The following DGKG variants were observed in gnomAD, a reference collection of about 807,000 sequenced individuals.
The protein encoded by DGKG is diacylglycerol kinase gamma.
In DGKG, 78 loss-of-function variants were observed where a neutral mutation model predicts 105.3. The ratio of observed to expected loss-of-function variants is 0.74; its 90% confidence interval spans 0.62 to 0.89. The LOEUF is 0.89. Among genes scored for constraint, DGKG ranks in the 40% least tolerant of loss-of-function variants. DGKG has a pLI of 0.00. For missense variants in DGKG, 958 were observed against 1,020.1 expected, an observed-to-expected ratio of 0.94 and a Z score of 0.83; for synonymous variants, 346 against 367.1, an observed-to-expected ratio of 0.94 and a Z score of 0.66.
chr3:186,253,011 T>G (rs1271512080), intron 18 of DGKG, 82 bp downstream of exon 18: 1 of 1,219,064 alleles, frequency 8.2e-7, no homozygotes, highest in Non-Finnish European at 1.2e-6. Flanking sequence ...CATAAAAGGG[T>G]AAGTTCAGCC....
At chr3:186,265,357 CAAAG>C (rs1721996648) in intron 13 of DGKG, 51 bp from the exon 14 acceptor site, 1 of 1,537,054 alleles carries the variant, frequency 6.5e-7, no homozygotes, top group Non-Finnish European at 9.0e-7. Flanking sequence ...AAGCCTAACA[CAAAG>C]AAAGAGATCA....
At position 186,148,915 on chromosome 3, in the gene DGKG, G is replaced by T. The variant is rs963705464; in HGVS notation, c.*1175C>A. 1.2e-6 allele frequency: 1 copy of T among 834,330 alleles called. No homozygotes were observed. The highest frequency in any genetic ancestry group is 1.3e-4 in the East Asian group (1 of 7,680). 51.7% of individuals were successfully genotyped at this position (834,330 alleles called of 1,614,324 possible). On this transcript the variant is annotated 3_prime_UTR_variant, in exon 25 of 25. Transcript: ENST00000265022. ...CCACTTTCTGTCTCATACTACCTAT[G>T]TTTTTTTTTTCCAATGAGGAAAAGT...
intron 19 of DGKG, among the ~76,000 whole-genome samples, chr3:186,249,829 C>G (rs534805878): frequency 7.0e-6 from 1 of 143,626 alleles, no homozygotes; most frequent in East Asian, 1.9e-4. Flanking sequence ...TGAGACTCGT[C>G]TCAAAAACAA....
chr3:186,149,588 A>G lies in DGKG; in HGVS notation c.*502T>C. 2 of 985,862 alleles carry G rather than the reference A, an allele frequency of 2.0e-6. No homozygotes were observed. The highest frequency in any genetic ancestry group is 2.4e-6 in the Non-Finnish European group (2 of 830,068). 61.1% of individuals were successfully genotyped at this position (985,862 alleles called of 1,614,324 possible). ...CGCCTGCTGAGCCCTGCCAAGGATTATGCTCTGAGAGCCGGAGGCCGTTTT... is the reference window on the plus strand; with the variant it reads ...CGCCTGCTGAGCCCTGCCAAGGATTGTGCTCTGAGAGCCGGAGGCCGTTTT... On this transcript the variant is annotated 3_prime_UTR_variant, in exon 25 of 25. Coordinates refer to ENST00000265022, the MANE Select transcript of DGKG (RefSeq NM_001346.3).
intron 20 of DGKG, among the ~76,000 whole-genome samples, chr3:186,238,720 G>A (rs757967570): frequency 6.6e-6 from 1 of 152,164 alleles, no homozygotes; most frequent in Admixed American, 6.5e-5. Context: ...CATCTCTGCC[G>A]TTAAAGGCCT....
chr3:186,336,016 C>T (rs957250949), intron 1 of DGKG, among the ~76,000 whole-genome samples: 1 of 152,204 alleles, frequency 6.6e-6, no homozygotes, highest in Non-Finnish European at 1.5e-5. Context: ...AGACAGCTCT[C>T]ACCTGTCAAT....
At chr3:186,267,549 AAAAG>A (rs1306270747) in intron 13 of DGKG, 132 bp downstream of exon 13, 8 of 702,638 alleles carry the variant, frequency 1.1e-5, no homozygotes, top group Non-Finnish European at 2.0e-5. Flanking sequence ...TAACAGTAAA[AAAAG>A]AAAGAAAAGA....
At chr3:186,276,236 TC>T (rs780438022) in intron 9 of DGKG, among the ~76,000 whole-genome samples, 3 of 152,170 alleles carry the variant, frequency 2.0e-5, no homozygotes, top group Non-Finnish European at 4.4e-5. Context: ...TAGGTGGCAA[TC>T]AAAAAGATAT....
In DGKG at chr3:186,215,715, C is replaced by T. The variant is rs913303826; in HGVS notation, c.1827-3830G>A. Among the ~76,000 whole-genome samples the T allele has an allele frequency of 7.2e-5, 11 of 151,852 alleles. 1 individual carries two copies. In the South Asian group the frequency reaches 8.3e-4, roughly 11 times the overall value. On this transcript the variant is annotated intron_variant, in intron 20 of 24. Coordinates refer to ENST00000265022, the MANE Select transcript of DGKG (RefSeq NM_001346.3). ...AAAATTTAGGAGTTATTTTAGCTTA[C>T]GGAACAAAAAAGAGGGGTCACAGTG... is the stretch of plus-strand genomic sequence containing the variant.
intron 9 of DGKG, 27 bp from the exon 10 acceptor site, chr3:186,275,691 C>A (rs775534372): frequency 6.3e-7 from 1 of 1,578,034 alleles, no homozygotes; most frequent in South Asian, 1.1e-5. Context: ...AGGTGAGACC[C>A]CAAGCTGGCT....
chr3:186,282,969 C>A (rs566575978), intron 7 of DGKG, among the ~76,000 whole-genome samples: 36 of 151,414 alleles, frequency 2.4e-4, no homozygotes, highest in Admixed American at 2.6e-4. Context: ...GAGTAAGTGG[C>A]GTGATCTTGG....
chr3:186,303,097 G>C (rs1724056379), intron 3 of DGKG, among the ~76,000 whole-genome samples: 1 of 152,128 alleles, frequency 6.6e-6, no homozygotes, highest in Non-Finnish European at 1.5e-5. Flanking sequence ...AGCTGGCATA[G>C]TGCTCCCTGA....
At chr3:186,312,458 C>T (rs149872969) in intron 2 of DGKG, among the ~76,000 whole-genome samples, 3 of 152,184 alleles carry the variant, frequency 2.0e-5, no homozygotes, top group African/African-American at 2.4e-5. Flanking sequence ...TCACTTGATA[C>T]GCAGGCTCTA....
Position 186,147,720 on chromosome 3 carries a change from T to C in DGKG, c.*2370A>G, listed in dbSNP as rs910577605. Reference sequence around the variant, plus strand: ...TCAATTTCACCTGTTGATAGTGCCATGTCTCAATAGCCTCAATCTTGGGGA... The same window carrying C: ...TCAATTTCACCTGTTGATAGTGCCACGTCTCAATAGCCTCAATCTTGGGGA... On this transcript the variant is annotated 3_prime_UTR_variant, in exon 25 of 25. Coordinates refer to ENST00000265022, the MANE Select transcript of DGKG (RefSeq NM_001346.3). The C allele has an allele frequency of 1.0e-5, 10 of 985,336 alleles. No homozygotes were observed. The highest frequency in any genetic ancestry group is 6.1e-5 in the Admixed American group (1 of 16,272). The allele number at this position is 985,336 out of a possible 1,614,324, so 61.0% of individuals were successfully genotyped here.
At chr3:186,157,926 C>T (rs1418241229) in intron 24 of DGKG, among the ~76,000 whole-genome samples, 2 of 152,180 alleles carry the variant, frequency 1.3e-5, no homozygotes, top group East Asian at 1.9e-4. Context: ...TGGTCTCAAA[C>T]TCCTGACCTC....
At chr3:186,287,035 A>AAAATAAATAAATAAATAAAT (rs56077495) in intron 6 of DGKG, among the ~76,000 whole-genome samples, 3,031 of 142,508 alleles carry the variant, frequency 0.021, 61 homozygotes, top group African/African-American at 0.043. Context: ...ACTCCATCTC[A>AAAATAAATAAATAAATAAAT]AAATAAATAA....
intron 21 of DGKG, among the ~76,000 whole-genome samples, chr3:186,190,156 T>A (rs889862172): frequency 3.3e-5 from 5 of 152,194 alleles, no homozygotes; most frequent in African/African-American, 1.2e-4. Flanking sequence ...TACACAGATT[T>A]AAGGGCAGGT....
In DGKG at chr3:186,320,468, T is replaced by C; in HGVS notation, c.-9A>G. 6.2e-7 allele frequency: 1 copy of C among 1,614,198 alleles called. No individual in the cohort carries two copies. The highest frequency in any genetic ancestry group is 8.5e-7 in the Non-Finnish European group (1 of 1,180,024). ...CACCGTTCTTCACCCATTTTTAAAC[T>C]TTATGTGAGTGGCTAAAGGGCAGTG... On this transcript the variant is annotated 5_prime_UTR_variant, in exon 2 of 25. Transcript: ENST00000265022.
At chr3:186,359,822 T>C (rs1410578473) in intron 1 of DGKG, among the ~76,000 whole-genome samples, 1 of 152,224 alleles carries the variant, frequency 6.6e-6, no homozygotes, top group African/African-American at 2.4e-5. Context: ...ATTGATTTGT[T>C]CTTTGCATAC....
Sources: gnomAD v4.1 joint callset for allele counts (sites outside exome capture counted in the v4.1 genomes callset) on GRCh38, gnomAD v4.1.1 for gene constraint, MANE v1.5 for transcripts, NCBI Gene and HGNC (gene_info 2026-07-23, HGNC 2026-07-21) for gene names.